Variants in CARMIL1 observed in about 807,000 individuals in gnomAD.
CARMIL1 encodes the protein capping protein regulator and myosin 1 linker 1, also known as F-actin-uncapping protein LRRC16A.
In CARMIL1, 90 loss-of-function variants were observed where a neutral mutation model predicts 177.1. That is an observed-to-expected ratio of 0.51 (90% CI 0.43 to 0.61). The LOEUF is 0.61. CARMIL1 is among the 20% of genes least tolerant of loss of function. The pLI is 0.00. For missense variants in CARMIL1, 1,380 were observed against 1,667.0 expected (o/e 0.83, Z 3.00); for synonymous variants, 577 against 606.2 (o/e 0.95, Z 0.71).
chr6:25,445,304 T>C (rs1581967771), intron 5 of CARMIL1, among the ~76,000 whole-genome samples: 2 of 152,326 alleles, frequency 1.3e-5, no homozygotes, highest in East Asian at 3.9e-4. Flanking sequence ...ATATCTGCAG[T>C]TACTTCCTCC....
intron 3 of CARMIL1, among the ~76,000 whole-genome samples, chr6:25,420,657 C>T (rs993824845): frequency 2.0e-5 from 3 of 152,216 alleles, no homozygotes; most frequent in Admixed American, 2.0e-4. Flanking sequence ...ATGTAACCAT[C>T]TCAGCTGTTC....
chr6:25,290,533 T>A (rs532236004), intron 2 of CARMIL1, among the ~76,000 whole-genome samples: 2 of 152,098 alleles, frequency 1.3e-5, no homozygotes, highest in South Asian at 4.1e-4. Context: ...TTAAAGTGTA[T>A]GAAAAGTCAT....
intron 20 of CARMIL1, among the ~76,000 whole-genome samples, chr6:25,512,955 T>C (rs1582202492): frequency 1.3e-5 from 2 of 152,214 alleles, no homozygotes; most frequent in African/African-American, 4.8e-5. Flanking sequence ...AGATTTCAAA[T>C]AGTAATGTTA....
chr6:25,319,497 A>G (rs1784521319), intron 2 of CARMIL1, among the ~76,000 whole-genome samples: 1 of 152,160 alleles, frequency 6.6e-6, no homozygotes, highest in African/African-American at 2.4e-5. Flanking sequence ...TAAATCTGGC[A>G]GTAGGTAATG....
chr6:25,529,128 C>T (rs1161995483), intron 24 of CARMIL1, among the ~76,000 whole-genome samples: 1 of 152,144 alleles, frequency 6.6e-6, no homozygotes, highest in East Asian at 1.9e-4. Context: ...AGATAGGTTT[C>T]TATACAAATA....
chr6:25,459,273 T>TCTTTTCTTTTCTTTTCTTTTC (rs1390647134), intron 8 of CARMIL1, among the ~76,000 whole-genome samples: 1 of 132,758 alleles, frequency 7.5e-6, no homozygotes, highest in African/African-American at 3.0e-5. Flanking sequence ...TTTCTTTTTT[T>TCTTTTCTTTTCTTTTCTTTTC]TTTTTTTAAG....
At chr6:25,415,036 CT>C (rs538951264) in intron 2 of CARMIL1, among the ~76,000 whole-genome samples, 15 of 152,290 alleles carry the variant, frequency 9.8e-5, no homozygotes, top group Admixed American at 3.3e-4. Flanking sequence ...CTTATTATTG[CT>C]GGGGTGAAGG....
chr6:25,445,536 C>CTTT (rs1191252796), intron 5 of CARMIL1, among the ~76,000 whole-genome samples: 1 of 136,634 alleles, frequency 7.3e-6, no homozygotes, highest in Non-Finnish European at 1.6e-5. Flanking sequence ...AAATATATTT[C>CTTT]TTTTTTTTTT....
chr6:25,357,291 A>T (rs1415313088), intron 2 of CARMIL1, among the ~76,000 whole-genome samples: 3 of 152,200 alleles, frequency 2.0e-5, no homozygotes, highest in African/African-American at 7.2e-5. Context: ...CAAAAACTCA[A>T]AACAGTTGAA....
intron 2 of CARMIL1, among the ~76,000 whole-genome samples, chr6:25,358,032 T>G (rs1788806835): frequency 6.6e-6 from 1 of 152,224 alleles, no homozygotes; most frequent in Non-Finnish European, 1.5e-5. Context: ...TTTGTCCGTA[T>G]AAGGAGTACC....
intron 13 of CARMIL1, 65 bp downstream of exon 13, chr6:25,488,650 A>C: frequency 7.7e-7 from 1 of 1,294,998 alleles, no homozygotes; most frequent in South Asian, 1.2e-5. Context: ...GAATAATTCT[A>C]AACATGTCTT....
chr6:25,553,123 T>C (rs1404727402), intron 27 of CARMIL1, among the ~76,000 whole-genome samples: 1 of 152,192 alleles, frequency 6.6e-6, no homozygotes, highest in African/African-American at 2.4e-5. Flanking sequence ...TTATTGCCTT[T>C]AGGTTAGCAA....
intron 27 of CARMIL1, among the ~76,000 whole-genome samples, chr6:25,552,778 T>A (rs191249791): frequency 3.9e-5 from 6 of 152,270 alleles, no homozygotes; most frequent in African/African-American, 9.6e-5. Flanking sequence ...AAAGAGAAAC[T>A]ATTGAACCTA....
At chr6:25,453,111 AAG>A (rs1370678768) in intron 8 of CARMIL1, among the ~76,000 whole-genome samples, 1 of 152,192 alleles carries the variant, frequency 6.6e-6, no homozygotes, top group African/African-American at 2.4e-5. Context: ...CAAAAGAAAA[AAG>A]AAAGACATTT....
intron 33 of CARMIL1, among the ~76,000 whole-genome samples, chr6:25,604,000 C>A (rs114642412): frequency 0.012 from 1,855 of 152,316 alleles, 29 homozygotes; most frequent in African/African-American, 0.04. Context: ...GCAAGGAAGA[C>A]CCTGCCTATT....
intron 17 of CARMIL1, among the ~76,000 whole-genome samples, chr6:25,504,112 T>C (rs1284400711): frequency 3.3e-5 from 5 of 152,172 alleles, no homozygotes; most frequent in Admixed American, 3.3e-4. Context: ...CTATATAGAA[T>C]TTTTGATCCA....
chr6:25,396,363 CTTTTTTTTTTTTTCT>C (rs1793391212), intron 2 of CARMIL1, among the ~76,000 whole-genome samples: 2 of 140,760 alleles, frequency 1.4e-5, no homozygotes, highest in Admixed American at 7.1e-5. Context: ...TTTTTTTTTC[CTTTTTTTTTTTTTCT>C]GAGATGGAGT....
chr6:25,384,589 T>A (rs1435349727), intron 2 of CARMIL1, among the ~76,000 whole-genome samples: 1 of 152,252 alleles, frequency 6.6e-6, no homozygotes. Flanking sequence ...CACATGGCAC[T>A]GTATGGACAC....
intron 2 of CARMIL1, among the ~76,000 whole-genome samples, chr6:25,380,985 C>T (rs1159913164): frequency 6.6e-6 from 1 of 152,050 alleles, no homozygotes; most frequent in Non-Finnish European, 1.5e-5. Context: ...GCTATATTTT[C>T]GTTTCTCTTT....
Sources: allele counts gnomAD v4.1 joint callset (sites outside exome capture counted in the v4.1 genomes callset), GRCh38; gene constraint gnomAD v4.1.1; transcripts MANE v1.5; gene names NCBI Gene and HGNC (gene_info 2026-07-23, HGNC 2026-07-21).